Variants in ANO10 observed in about 807,000 individuals in gnomAD.
ANO10 encodes anoctamin 10, also known as anoctamin-10.
Under a neutral mutation model 74.7 loss-of-function variants are expected in ANO10, and 77 were observed. The ratio of observed to expected loss-of-function variants is 1.03; its 90% CI spans 0.86 to 1.25. The LOEUF (loss-of-function observed/expected upper bound fraction) is 1.25, where lower values mean the gene tolerates loss of function less well. Among genes scored for constraint, ANO10 ranks in the 50% most tolerant of loss-of-function variants. The pLI is 0.00. For synonymous variants in ANO10, 279 were observed against 284.9 expected (o/e 0.98, Z 0.21); for missense variants, 721 against 778.1 (o/e 0.93, Z 0.87).
In ANO10 at chr3:43,538,259, G is replaced by A. The variant is rs529489943; in HGVS notation, c.1797+11461C>T. 2.5e-4 allele frequency among the ~76,000 whole-genome samples: 38 copies of A among 152,196 alleles called. No homozygotes were observed. In the South Asian group the frequency reaches 7.5e-3, roughly 30 times the overall value. ...TGGGAAACCATTCCTAAAGAAATGG[G>A]TTATTGAACAGGGTCTACACATTGA... On this transcript the variant is annotated intron_variant, in intron 11 of 12. Coordinates refer to ENST00000292246, the MANE Select transcript of ANO10 (RefSeq NM_018075.5).
At chr3:43,656,062 C>G (rs1446317084) in intron 1 of ANO10, among the ~76,000 whole-genome samples, 3 of 144,702 alleles carry the variant, frequency 2.1e-5, no homozygotes, top group Admixed American at 2.1e-4. Flanking sequence ...TTCACAAACC[C>G]TGAGCTAGAC....
At chr3:43,411,442 C>G (rs939466032) in intron 12 of ANO10, among the ~76,000 whole-genome samples, 2 of 152,128 alleles carry the variant, frequency 1.3e-5, no homozygotes, top group African/African-American at 4.8e-5. Context: ...AATGGGTACT[C>G]AATAGAAGCA....
intron 11 of ANO10, among the ~76,000 whole-genome samples, chr3:43,486,787 C>T (rs1024937011): frequency 6.6e-6 from 1 of 151,728 alleles, no homozygotes; most frequent in Non-Finnish European, 1.5e-5. Context: ...TAATTGAATA[C>T]CCTTTATTTC....
At position 43,605,868 on chromosome 3, in the gene ANO10, G is replaced by T; in HGVS notation, c.-11-5C>A. On this transcript the variant is annotated splice_polypyrimidine_tract_variant and splice_region_variant and intron_variant, in intron 1 of 12. Coordinates refer to ENST00000292246, the MANE Select transcript of ANO10 (RefSeq NM_018075.5). Reference sequence around the variant, plus strand: ...TCACTTTCATCTTTGACAAATCTGCGGAAAATTAAAATAAAGAGTGAAAAT... The same window carrying T: ...TCACTTTCATCTTTGACAAATCTGCTGAAAATTAAAATAAAGAGTGAAAAT... 6.2e-7 allele frequency: 1 copy of T among 1,612,534 alleles called. No individual in the cohort carries two copies. The highest frequency in any genetic ancestry group is 1.1e-5 in the South Asian group (1 of 91,004).
chr3:43,594,719 A>T (rs1184713071), intron 4 of ANO10, among the ~76,000 whole-genome samples: 1 of 152,220 alleles, frequency 6.6e-6, no homozygotes, highest in Non-Finnish European at 1.5e-5. Flanking sequence ...AAGCAAGAGC[A>T]AACACATGCA....
intron 12 of ANO10, among the ~76,000 whole-genome samples, chr3:43,423,305 T>C (rs1480001436): frequency 2.6e-5 from 4 of 152,196 alleles, no homozygotes; most frequent in African/African-American, 9.7e-5. Flanking sequence ...TCATTTGTCC[T>C]TATTTATTTA....
chr3:43,641,767 C>G (rs1249764146), intron 1 of ANO10, among the ~76,000 whole-genome samples: 1 of 152,160 alleles, frequency 6.6e-6, no homozygotes, highest in Non-Finnish European at 1.5e-5. Context: ...TAGATCTTTA[C>G]ATGAGTGCTC....
Position 43,466,240 on chromosome 3 carries a change from G to GCGTGCCGGTAGTT in ANO10, c.1798-33526_1798-33514dup, listed in dbSNP as rs1331529986. On this transcript the variant is annotated intron_variant, in intron 11 of 12. Coordinates refer to ENST00000292246, the MANE Select transcript of ANO10 (RefSeq NM_018075.5). ...CAAAAAATTAGCCAGGCGTGGTGGT[G>GCGTGCCGGTAGTT]CGTGCCGGTAGTTCCAGCTACTCGG... 9.9e-5 allele frequency among the ~76,000 whole-genome samples: 15 copies of GCGTGCCGGTAGTT among 151,652 alleles called. 1 individual carries two copies. In the South Asian group the frequency reaches 3.1e-3, roughly 32 times the overall value.
intron 5 of ANO10, among the ~76,000 whole-genome samples, chr3:43,579,213 A>G (rs143388892): frequency 6.6e-6 from 1 of 152,296 alleles, no homozygotes; most frequent in South Asian, 2.1e-4. Flanking sequence ...CATACCAAAT[A>G]AATTAATAAT....
chr3:43,459,224 T>A (rs898269513), intron 11 of ANO10, among the ~76,000 whole-genome samples: 3 of 152,096 alleles, frequency 2.0e-5, no homozygotes, highest in African/African-American at 7.2e-5. Flanking sequence ...GTTGTTTTTA[T>A]CTTTTGTTCT....
At chr3:43,457,910 A>G (rs962415539) in intron 11 of ANO10, among the ~76,000 whole-genome samples, 1 of 152,064 alleles carries the variant, frequency 6.6e-6, no homozygotes, top group Admixed American at 6.6e-5. Flanking sequence ...AGTCTGATCA[A>G]CCAAGATGCA....
Position 43,576,897 on chromosome 3 carries a change from C to G in ANO10, c.957G>C (p.Leu319=). The change falls in exon 6 of 13, where the codon CTG becomes CTC. Residue 319 remains leucine, a synonymous_variant. Coordinates refer to ENST00000292246, the MANE Select transcript of ANO10 (RefSeq NM_018075.5). The part of the protein sequence containing the change: ...KRQLRIYLVS[L]PFVCLCLYFS... ...AATAGAGGCAGAGGCACACGAATGG[C>G]AGGGAGACCAGGTAAATGCGCAACT... 1 of 1,614,164 alleles carries G rather than the reference C, an allele frequency of 6.2e-7. No homozygotes were observed.
intron 1 of ANO10, among the ~76,000 whole-genome samples, chr3:43,610,915 G>A (rs1194232235): frequency 2.0e-5 from 3 of 152,128 alleles, no homozygotes; most frequent in Non-Finnish European, 4.4e-5. Context: ...AACCCCAAAA[G>A]AACCTGCATT....
intron 11 of ANO10, among the ~76,000 whole-genome samples, chr3:43,484,787 G>A (rs2076400243): frequency 6.6e-6 from 1 of 152,210 alleles, no homozygotes; most frequent in Non-Finnish European, 1.5e-5. Context: ...TCTTGGCCAA[G>A]AGAGGGTCCA....
intron 12 of ANO10, among the ~76,000 whole-genome samples, chr3:43,399,622 T>A (rs1407384985): frequency 6.6e-6 from 1 of 152,140 alleles, no homozygotes; most frequent in Non-Finnish European, 1.5e-5. Flanking sequence ...CTTTGTCCCA[T>A]CTCTCTTCTC....
chr3:43,561,435 A>G (rs1340268161), intron 8 of ANO10, 33 bp from the exon 9 acceptor site: 1 of 1,572,708 alleles, frequency 6.4e-7, no homozygotes, highest in Admixed American at 1.7e-5. Context: ...CATTTTGGGA[A>G]TACAGCTTAA....
At chr3:43,542,527 C>T (rs1394504124) in intron 11 of ANO10, among the ~76,000 whole-genome samples, 1 of 152,178 alleles carries the variant, frequency 6.6e-6, no homozygotes, top group African/African-American at 2.4e-5. Flanking sequence ...TCATTAACAA[C>T]AGTGGTGCTA....
chr3:43,530,806 A>G (rs1171169208), intron 11 of ANO10, among the ~76,000 whole-genome samples: 3 of 152,320 alleles, frequency 2.0e-5, no homozygotes, highest in Admixed American at 6.5e-5. Context: ...ACAGGGTTCA[A>G]TACTATCTAT....
At chr3:43,565,848 G>C in intron 7 of ANO10, 121 bp from the exon 8 acceptor site, 1 of 1,016,218 alleles carries the variant, frequency 9.8e-7, no homozygotes, top group Non-Finnish European at 1.5e-6. Context: ...GGGCCGAATA[G>C]GAACAGCTCC....
Sources: allele counts gnomAD v4.1 joint callset (sites outside exome capture counted in the v4.1 genomes callset), GRCh38; gene constraint gnomAD v4.1.1; transcripts MANE v1.5; gene names NCBI Gene and HGNC (gene_info 2026-07-23, HGNC 2026-07-21).